Variants in TINAG observed in about 807,000 individuals in gnomAD.
The protein encoded by TINAG is tubulointerstitial nephritis antigen.
A neutral mutation model predicts 72.7 loss-of-function variants in TINAG; 83 were observed. The observed-to-expected ratio is 1.14, with a 90% CI of 0.96 to 1.37. TINAG has a LOEUF of 1.37. Among genes scored for constraint, TINAG ranks in the 40% most tolerant of loss-of-function variants. TINAG has a pLI of 0.00. For synonymous variants in TINAG, 234 were observed against 189.9 expected (o/e 1.23, Z -1.91); for missense variants, 685 against 576.6 (o/e 1.19, Z -1.93).
At chr6:54,325,183 T>C (rs188191729) in intron 3 of TINAG, among the ~76,000 whole-genome samples, 31 of 152,354 alleles carry the variant, frequency 2.0e-4, no homozygotes, top group African/African-American at 6.0e-4. Flanking sequence ...TGCCAACTCC[T>C]TCAGTTGTGT....
intron 1 of TINAG, among the ~76,000 whole-genome samples, chr6:54,319,884 A>T (rs1293934483): frequency 1.3e-5 from 2 of 152,156 alleles, no homozygotes; most frequent in African/African-American, 4.8e-5. Context: ...AGGAATTTAA[A>T]TTTTTAACCA....
chr6:54,327,211 C>T (rs1055271573), intron 4 of TINAG: 67 of 1,517,460 alleles, frequency 4.4e-5, no homozygotes, highest in African/African-American at 3.8e-4. Flanking sequence ...GCGAGACCAA[C>T]GTAGAAGGTG....
At chr6:54,338,418 A>G (rs533862847) in intron 4 of TINAG, among the ~76,000 whole-genome samples, 1 of 152,164 alleles carries the variant, frequency 6.6e-6, no homozygotes, top group Non-Finnish European at 1.5e-5. Flanking sequence ...GACCTAAAGT[A>G]TGTTCCATAA....
chr6:54,349,786 A>G lies in TINAG; in HGVS notation c.970A>G (p.Ser324Gly). 3.1e-6 allele frequency: 5 copies of G among 1,606,818 alleles called. No homozygotes were observed. Among genetic ancestry groups the G allele is most frequent in the Non-Finnish European group, 4.3e-6 (5 of 1,175,508 alleles). Residue 324 changes from serine (S) to glycine (G), a missense_variant, in exon 7 of 11, where the codon AGC (serine) becomes GGC (glycine). By Grantham distance (56) the Ser-to-Gly change is moderately conservative. Transcript: ENST00000259782. The stretch of plus-strand genomic sequence containing the variant: ...TACCAACAATGGATGTGCCATGGCA[A>G]GCAGGTCTGATGGGCGAGGAAAACG... ...NATNNGCAMA[S>G]RSDGRGKRHA...
intron 4 of TINAG, among the ~76,000 whole-genome samples, chr6:54,334,876 C>T (rs550495200): frequency 5.3e-5 from 8 of 152,266 alleles, no homozygotes; most frequent in Admixed American, 1.3e-4. Flanking sequence ...ACTTTAGGGT[C>T]TCCCCTACAA....
intron 1 of TINAG, among the ~76,000 whole-genome samples, chr6:54,317,529 C>G (rs947497743): frequency 6.6e-6 from 1 of 152,106 alleles, no homozygotes; most frequent in African/African-American, 2.4e-5. Context: ...GCTCTTCCTT[C>G]GTCTTTTGCA....
At chr6:54,375,417 A>G (rs753609294) in intron 9 of TINAG, among the ~76,000 whole-genome samples, 31 of 152,172 alleles carry the variant, frequency 2.0e-4, no homozygotes, top group Non-Finnish European at 4.0e-4. Context: ...GCAATGATAA[A>G]CTAACCGGAT....
At chr6:54,344,918 G>A (rs1418911962) in intron 5 of TINAG, among the ~76,000 whole-genome samples, 1 of 151,972 alleles carries the variant, frequency 6.6e-6, no homozygotes, top group Admixed American at 6.6e-5. Context: ...AAATTACGTC[G>A]AGAAGTATTA....
chr6:54,347,221 C>T (rs562708343), intron 5 of TINAG, 146 bp from the exon 6 acceptor site: 1 of 767,890 alleles, frequency 1.3e-6, no homozygotes, highest in Non-Finnish European at 2.0e-6. Context: ...GTCTGGAATA[C>T]ATAAATATAT....
intron 10 of TINAG, among the ~76,000 whole-genome samples, chr6:54,387,749 G>A (rs1370652661): frequency 6.6e-6 from 1 of 152,126 alleles, no homozygotes; most frequent in Non-Finnish European, 1.5e-5. Context: ...TAAATCTTTA[G>A]AAATTTTCTC....
In TINAG at chr6:54,349,717, C is replaced by T; in HGVS notation, c.901C>T (p.Leu301=). 6.4e-7 allele frequency: 1 copy of T among 1,559,808 alleles called. No individual in the cohort carries two copies. The highest frequency in any genetic ancestry group is 8.7e-7 in the Non-Finnish European group (1 of 1,147,328). Residue 301 remains leucine (L), a splice_region_variant and synonymous_variant, in exon 7 of 11, where the codon CTG becomes TTG. Coordinates refer to ENST00000259782, the MANE Select transcript of TINAG (RefSeq NM_014464.4). Reference sequence around the variant, plus strand: ...TGCTTCTTTGCTTATTCCTCATAGACTGGTATCCCACGCATGCTACCCACT... The same window carrying T: ...TGCTTCTTTGCTTATTCCTCATAGATTGGTATCCCACGCATGCTACCCACT... ...RAWWYLRKRG[L]VSHACYPLFK...
rs552069803 is a variant in TINAG at position 54,316,995 on chromosome 6, GT to G, written c.356-3577del. Reference sequence around the variant, plus strand: ...ATTAGTTTTGGCTTTGTTTTGTTTTGTTTTTTTGGTCAAGATGCTGTGTGTA... The same window carrying G: ...ATTAGTTTTGGCTTTGTTTTGTTTTGTTTTTTGGTCAAGATGCTGTGTGTA... On this transcript the variant is annotated intron_variant, in intron 1 of 10. Transcript: ENST00000259782. 2.6e-5 allele frequency among the ~76,000 whole-genome samples: 4 copies of G among 151,916 alleles called. No individual in the cohort carries two copies. The East Asian group carries it at 5.8e-4, about 22-fold the overall frequency.
At chr6:54,344,524 A>G (rs1206138936) in intron 5 of TINAG, among the ~76,000 whole-genome samples, 1 of 152,210 alleles carries the variant, frequency 6.6e-6, no homozygotes, top group African/African-American at 2.4e-5. Flanking sequence ...GAGAGGTTTA[A>G]TATAATAAAC....
At chr6:54,350,509 G>T (rs1209682783) in intron 7 of TINAG, among the ~76,000 whole-genome samples, 2 of 151,320 alleles carry the variant, frequency 1.3e-5, no homozygotes, top group African/African-American at 2.4e-5. Flanking sequence ...CTCATGTCCT[G>T]CCAGCATCTG....
At chr6:54,349,199 T>C (rs1785201717) in intron 6 of TINAG, among the ~76,000 whole-genome samples, 1 of 151,866 alleles carries the variant, frequency 6.6e-6, no homozygotes, top group Non-Finnish European at 1.5e-5. Flanking sequence ...AGATATATGA[T>C]TGTTTGTATT....
rs758756157 is a variant in TINAG at position 54,326,859 on chromosome 6, A to T, written c.567A>T (p.Lys189Asn). ...GAATGACTTTAGAAGATGGTTTTAA[A>T]TTTCGCCTTGGCACTTTGCCACCTA... The part of the protein sequence containing the change: ...FWGMTLEDGF[K>N]FRLGTLPPSP... Residue 189 changes from lysine to asparagine, a missense_variant, in exon 4 of 11, where the codon AAA becomes AAT. Lys to Asn is a moderately conservative substitution (Grantham distance 94). Transcript: ENST00000259782. 4.3e-6 allele frequency: 7 copies of T among 1,613,288 alleles called. No homozygotes were observed. In the South Asian group the frequency reaches 7.7e-5, roughly 18 times the overall value.
At chr6:54,355,496 C>A (rs1763007022) in intron 9 of TINAG, among the ~76,000 whole-genome samples, 1 of 151,900 alleles carries the variant, frequency 6.6e-6, no homozygotes, top group Non-Finnish European at 1.5e-5. Flanking sequence ...TGTAGACAAG[C>A]TGTCCTGTGT....
chr6:54,370,690 T>C (rs573890143), intron 9 of TINAG, among the ~76,000 whole-genome samples: 34 of 152,186 alleles, frequency 2.2e-4, no homozygotes, highest in African/African-American at 7.7e-4. Flanking sequence ...CACAGGACTG[T>C]TGGGATCTTT....
intron 9 of TINAG, among the ~76,000 whole-genome samples, chr6:54,371,998 T>TTG (rs1447144809): frequency 7.0e-6 from 1 of 142,806 alleles, no homozygotes; most frequent in Non-Finnish European, 1.5e-5. Flanking sequence ...TTTTTTTTTT[T>TTG]TTTTTTTTTT....
Sources: allele counts gnomAD v4.1 joint callset (sites outside exome capture counted in the v4.1 genomes callset), GRCh38; gene constraint gnomAD v4.1.1; transcripts MANE v1.5; gene names NCBI Gene and HGNC (gene_info 2026-07-23, HGNC 2026-07-21).